Variants in VPS50 observed in about 807,000 individuals in gnomAD.
The protein encoded by VPS50 is syndetin.
A neutral mutation model predicts 139.7 loss-of-function variants in VPS50; 70 were observed. The ratio of observed to expected loss-of-function variants is 0.50; its 90% CI spans 0.41 to 0.61. The LOEUF (loss-of-function observed/expected upper bound fraction) is 0.61. Ranked by LOEUF, VPS50 falls within the 20% of genes least tolerant of loss-of-function variation. VPS50 has a pLI of 0.00. For synonymous variants in VPS50, 365 were observed against 376.7 expected, an observed-to-expected ratio of 0.97 and a Z score of 0.36; for missense variants, 921 against 1,133.7, an observed-to-expected ratio of 0.81 and a Z score of 2.69.
intron 12 of VPS50, among the ~76,000 whole-genome samples, chr7:93,289,396 A>G (rs1489262168): frequency 6.6e-6 from 1 of 152,040 alleles, no homozygotes; most frequent in African/African-American, 2.4e-5. Context: ...ACTTTTAAGA[A>G]TTCTATATAA....
intron 21 of VPS50, among the ~76,000 whole-genome samples, chr7:93,331,802 G>A (rs1349412629): frequency 1.3e-5 from 2 of 152,072 alleles, no homozygotes; most frequent in Non-Finnish European, 2.9e-5. Flanking sequence ...AGTCAGACCA[G>A]GAGAAAATTT....
At chr7:93,258,866 A>T (rs1006084030) in intron 8 of VPS50, among the ~76,000 whole-genome samples, 1 of 152,138 alleles carries the variant, frequency 6.6e-6, no homozygotes, top group African/African-American at 2.4e-5. Context: ...TCCTCATAAT[A>T]CTTGAGCTCC....
At chr7:93,238,047 A>C (rs1233751954) in intron 1 of VPS50, among the ~76,000 whole-genome samples, 1 of 152,208 alleles carries the variant, frequency 6.6e-6, no homozygotes, top group East Asian at 1.9e-4. Flanking sequence ...TGGCAATTAC[A>C]TTTTAAAAAT....
intron 9 of VPS50, among the ~76,000 whole-genome samples, chr7:93,270,845 G>A (rs1246498509): frequency 1.3e-5 from 2 of 151,808 alleles, no homozygotes; most frequent in African/African-American, 2.4e-5. Flanking sequence ...GGGACAGATA[G>A]AATAAAAATA....
chr7:93,232,456 C>G lies in VPS50; in HGVS notation c.-12C>G. Reference sequence around the variant, plus strand: ...GCTCTTTGAGGCAGGGTACCCTCCTCAGGATTTCGATATGCAAAAAATCAA... The same window carrying G: ...GCTCTTTGAGGCAGGGTACCCTCCTGAGGATTTCGATATGCAAAAAATCAA... On this transcript the variant is annotated 5_prime_UTR_variant, in exon 1 of 28. Transcript: ENST00000305866. 1 of 1,612,390 alleles carries G rather than the reference C, an allele frequency of 6.2e-7. No homozygotes were observed. Among genetic ancestry groups the G allele is most frequent in the Admixed American group, 1.7e-5 (1 of 60,002 alleles).
At chr7:93,308,141 A>C (rs996386033) in intron 18 of VPS50, among the ~76,000 whole-genome samples, 2 of 151,806 alleles carry the variant, frequency 1.3e-5, no homozygotes, top group Non-Finnish European at 2.9e-5. Context: ...GATGATGATG[A>C]TGATGATGAT....
At chr7:93,289,813 G>A (rs572145265) in intron 12 of VPS50, among the ~76,000 whole-genome samples, 2 of 152,092 alleles carry the variant, frequency 1.3e-5, no homozygotes, top group South Asian at 4.1e-4. Flanking sequence ...TCATATACCA[G>A]ATTTGTATAT....
intron 16 of VPS50, among the ~76,000 whole-genome samples, chr7:93,299,505 C>T (rs1403188249): frequency 6.6e-6 from 1 of 152,130 alleles, no homozygotes; most frequent in Non-Finnish European, 1.5e-5. Flanking sequence ...TGGTCCTCTC[C>T]TGCCAAATAT....
intron 22 of VPS50, 59 bp from the exon 23 acceptor site, chr7:93,341,368 C>T: frequency 8.7e-7 from 1 of 1,155,720 alleles, no homozygotes; most frequent in Admixed American, 2.5e-5. Flanking sequence ...TTGTCAAAAT[C>T]ACGTGGTTTA....
intron 21 of VPS50, among the ~76,000 whole-genome samples, chr7:93,327,024 A>C (rs2117030713): frequency 6.6e-6 from 1 of 152,322 alleles, no homozygotes; most frequent in East Asian, 1.9e-4. Context: ...TGAATTTGGA[A>C]ACTCACTAAA....
intron 10 of VPS50, 152 bp from the exon 11 acceptor site, chr7:93,272,483 A>G: frequency 2.4e-6 from 1 of 417,788 alleles, no homozygotes; most frequent in South Asian, 5.3e-5. Context: ...TTATAACTTT[A>G]TTTAAATTTG....
chr7:93,348,639 C>A, intron 23 of VPS50, 72 bp from the exon 24 acceptor site: 1 of 1,012,216 alleles, frequency 9.9e-7, no homozygotes, highest in Non-Finnish European at 1.5e-6. Context: ...TTAAAAAATA[C>A]TTATACGAAA....
chr7:93,276,953 T>C (rs951418441), intron 12 of VPS50, among the ~76,000 whole-genome samples: 1 of 152,184 alleles, frequency 6.6e-6, no homozygotes, highest in African/African-American at 2.4e-5. Context: ...AACATTCAAG[T>C]GGACTTGCTG....
intron 22 of VPS50, among the ~76,000 whole-genome samples, chr7:93,340,378 G>A (rs908774520): frequency 3.3e-5 from 5 of 152,172 alleles, no homozygotes; most frequent in African/African-American, 1.2e-4. Flanking sequence ...CAGCTACTCC[G>A]AGTAGCCAGC....
At chr7:93,301,017 C>T (rs1796958510) in intron 16 of VPS50, among the ~76,000 whole-genome samples, 1 of 151,998 alleles carries the variant, frequency 6.6e-6, no homozygotes, top group Non-Finnish European at 1.5e-5. Flanking sequence ...ACATTAGGGG[C>T]CGGGCACAAT....
intron 18 of VPS50, among the ~76,000 whole-genome samples, chr7:93,307,301 C>T (rs1465626606): frequency 1.3e-5 from 2 of 151,876 alleles, no homozygotes; most frequent in Non-Finnish European, 2.9e-5. Flanking sequence ...GTTTCTCAGG[C>T]ACATCACAGC....
intron 20 of VPS50, among the ~76,000 whole-genome samples, chr7:93,318,845 G>A (rs944453991): frequency 1.1e-4 from 16 of 151,926 alleles, no homozygotes; most frequent in Admixed American, 3.3e-4. Flanking sequence ...AAACAACATC[G>A]GTTCTCTTTT....
At chr7:93,278,786 T>TAC (rs1304672784) in intron 12 of VPS50, among the ~76,000 whole-genome samples, 2 of 151,452 alleles carry the variant, frequency 1.3e-5, no homozygotes, top group Non-Finnish European at 2.9e-5. Context: ...GTAGGTGATA[T>TAC]ATATATATAT....
rs955481417 is a variant in VPS50, at chr7:93,361,114, T to C, written c.*2678T>C. 1 of 151,200 alleles carries C rather than the reference T, an allele frequency of 6.6e-6. No individual in the cohort carries two copies. Among genetic ancestry groups the C allele is most frequent in the African/African-American group, 2.4e-5 (1 of 41,264 alleles). 9.4% of individuals were successfully genotyped at this position (151,200 alleles called of 1,614,324 possible). ...ATAGTTGTCTTTTGTAATAAAAAAC[T>C]AGATCTGAAGATGAATTGATGAATA... On this transcript the variant is annotated 3_prime_UTR_variant, in exon 28 of 28. Transcript: ENST00000305866.
Sources: gnomAD v4.1 joint callset for allele counts (sites outside exome capture counted in the v4.1 genomes callset) on GRCh38, gnomAD v4.1.1 for gene constraint, MANE v1.5 for transcripts, NCBI Gene and HGNC (gene_info 2026-07-23, HGNC 2026-07-21) for gene names.